The following JMJD1C variants were observed in gnomAD, a reference collection of about 807,000 sequenced individuals.
The protein encoded by JMJD1C is jumonji domain-containing protein 1C.
A neutral mutation model predicts 245.3 loss-of-function variants in JMJD1C; 31 were observed. The ratio of observed to expected loss-of-function variants is 0.13; its 90% CI spans 0.09 to 0.17. JMJD1C has a LOEUF of 0.17. JMJD1C is among the 10% of genes least tolerant of loss of function. The pLI is 1.00. For synonymous variants in JMJD1C, 1,057 were observed against 1,017.4 expected (o/e 1.04, Z -0.74); for missense variants, 2,691 against 3,000.2 (o/e 0.90, Z 2.41).
chr10:63,233,861 T>C (rs1157886759), intron 3 of JMJD1C, among the ~76,000 whole-genome samples: 2 of 152,012 alleles, frequency 1.3e-5, no homozygotes, highest in African/African-American at 4.8e-5. Context: ...GCTATGCTTT[T>C]ATGTATTTTT....
chr10:63,295,815 C>G (rs1859306542), intron 2 of JMJD1C, among the ~76,000 whole-genome samples: 1 of 151,552 alleles, frequency 6.6e-6, no homozygotes, highest in Non-Finnish European at 1.5e-5. Flanking sequence ...AGCCCCTTGT[C>G]ACATTTTTGT....
chr10:63,368,687 CT>C (rs1175046848), intron 2 of JMJD1C, among the ~76,000 whole-genome samples: 1 of 152,100 alleles, frequency 6.6e-6, no homozygotes, highest in Non-Finnish European at 1.5e-5. Context: ...GTAAATAAAT[CT>C]TTTTTTGTTT....
In JMJD1C at chr10:63,410,109, C is replaced by T. The variant is rs536138591; in HGVS notation, c.169-29627G>A. ...CTTCCTAAATGCCAGGAAGCACTGTCGAATATCTATCACAGAAAACTAACG... is the reference window on the plus strand; with the variant it reads ...CTTCCTAAATGCCAGGAAGCACTGTTGAATATCTATCACAGAAAACTAACG... On this transcript the variant is annotated intron_variant, in intron 1 of 25. Coordinates refer to ENST00000399262, the MANE Select transcript of JMJD1C (RefSeq NM_032776.3). 3.9e-5 allele frequency among the ~76,000 whole-genome samples: 6 copies of T among 152,224 alleles called. No individual in the cohort carries two copies. The South Asian group carries it at 6.2e-4, about 16-fold the overall frequency.
At chr10:63,427,967 C>A in intron 1 of JMJD1C, 1 of 700,020 alleles carries the variant, frequency 1.4e-6, no homozygotes, top group Non-Finnish European at 2.7e-6. Flanking sequence ...CTCATTGCCA[C>A]CACAGCATCC....
intron 2 of JMJD1C, among the ~76,000 whole-genome samples, chr10:63,350,657 C>G (rs1944276283): frequency 6.6e-6 from 1 of 151,180 alleles, no homozygotes; most frequent in Non-Finnish European, 1.5e-5. Flanking sequence ...CACTCTGTCA[C>G]CCAGGCTGGA....
Position 63,189,258 on chromosome 10 carries a change from A to C in JMJD1C, c.6480T>G (p.Ser2160=). Residue 2160 remains serine (S), a synonymous_variant, in exon 18 of 26, where the codon TCT becomes TCG. Coordinates refer to ENST00000399262, the MANE Select transcript of JMJD1C (RefSeq NM_032776.3). ...NNKLYSDIPH[S]WICEKHILWL... ...ATAAAATATGCTTCTCACAGATCCA[A>C]GAATGTGGTATATCACTGTATAATT... The C allele has an allele frequency of 6.2e-7, 1 of 1,613,266 alleles. No individual in the cohort carries two copies. The highest frequency in any genetic ancestry group is 8.5e-7 in the Non-Finnish European group (1 of 1,179,340).
intron 2 of JMJD1C, among the ~76,000 whole-genome samples, chr10:63,281,959 C>T (rs1253854334): frequency 6.6e-6 from 1 of 152,192 alleles, no homozygotes; most frequent in Non-Finnish European, 1.5e-5. Flanking sequence ...AGCACACCAT[C>T]CTCAAGGAGT....
chr10:63,349,657 T>C (rs1015628943), intron 2 of JMJD1C, among the ~76,000 whole-genome samples: 7 of 152,150 alleles, frequency 4.6e-5, no homozygotes, highest in African/African-American at 1.2e-4. Flanking sequence ...GGGAACTATA[T>C]GAGTTACCCT....
chr10:63,414,938 GAA>G (rs11438680), intron 1 of JMJD1C, among the ~76,000 whole-genome samples: 1 of 142,098 alleles, frequency 7.0e-6, no homozygotes. Context: ...CAACACTAGA[GAA>G]AAAAAAAAAA....
intron 2 of JMJD1C, among the ~76,000 whole-genome samples, chr10:63,352,586 C>T (rs756708699): frequency 1.3e-4 from 18 of 135,288 alleles, no homozygotes; most frequent in Non-Finnish European, 2.6e-4. Context: ...TGCAGTGGGC[C>T]AAGATAGAGC....
intron 2 of JMJD1C, among the ~76,000 whole-genome samples, chr10:63,312,484 T>C (rs1038376879): frequency 5.9e-5 from 9 of 152,172 alleles, no homozygotes; most frequent in Admixed American, 4.6e-4. Flanking sequence ...ATCCAAGAAA[T>C]ATGGAGTTAA....
chr10:63,231,770 G>A (rs1850038549), intron 3 of JMJD1C, among the ~76,000 whole-genome samples: 3 of 152,136 alleles, frequency 2.0e-5, no homozygotes, highest in Admixed American at 6.5e-5. Context: ...TTCCAGCCTA[G>A]GCGACAGAGC....
At chr10:63,224,835 G>C (rs1400974714) in intron 3 of JMJD1C, among the ~76,000 whole-genome samples, 1 of 151,694 alleles carries the variant, frequency 6.6e-6, no homozygotes, top group Non-Finnish European at 1.5e-5. Context: ...AGGCCGAGGT[G>C]GGTGGATCAC....
Position 63,207,392 on chromosome 10 carries a change from G to A in JMJD1C, c.4277C>T (p.Ala1426Val). Reference sequence around the variant, plus strand: ...AGATACACATTCTGATGATGTAGAGGCCAAAATGGTATTTGATAAAGAGGA... The same window carrying A: ...AGATACACATTCTGATGATGTAGAGACCAAAATGGTATTTGATAAAGAGGA... ...VISSLSNTIL[A>V]STSSECVSSK... The change falls in exon 10 of 26, where the codon GCC becomes GTC. Residue 1426 changes from alanine (A) to valine (V), a missense_variant. Transcript: ENST00000399262. The A allele has an allele frequency of 6.2e-7, 1 of 1,614,008 alleles. No individual in the cohort carries two copies. Among genetic ancestry groups the A allele is most frequent in the Non-Finnish European group, 8.5e-7 (1 of 1,180,024 alleles).
At chr10:63,444,727 G>A (rs761491177) in intron 1 of JMJD1C, among the ~76,000 whole-genome samples, 2 of 150,530 alleles carry the variant, frequency 1.3e-5, no homozygotes, top group Non-Finnish European at 2.9e-5. Flanking sequence ...CTGAGTTCAA[G>A]TGATTCTCCT....
intron 2 of JMJD1C, among the ~76,000 whole-genome samples, chr10:63,291,224 C>T (rs1858646870): frequency 6.9e-6 from 1 of 144,512 alleles, no homozygotes; most frequent in South Asian, 2.2e-4. Flanking sequence ...AGGAGAATCG[C>T]TTGAACCCGG....
In JMJD1C at chr10:63,217,237, G is replaced by A. The variant is rs958881296; in HGVS notation, c.648C>T (p.Phe216=). The A allele has an allele frequency of 5.0e-6, 8 of 1,611,970 alleles. No homozygotes were observed. Among genetic ancestry groups the A allele is most frequent in the East Asian group, 4.5e-5 (2 of 44,768 alleles). ...CATTCATAACGATCATGGTGCGGGT[G>A]AAGAGATCATGATGAGTAATTATGC... ...FTGIITHHDL[F]TRTMIVMNDQ... The change falls in exon 5 of 26, where the codon TTC becomes TTT. Residue 216 remains phenylalanine (F), a synonymous_variant. Coordinates refer to ENST00000399262, the MANE Select transcript of JMJD1C (RefSeq NM_032776.3).
At chr10:63,362,396 C>A (rs1945459198) in intron 2 of JMJD1C, among the ~76,000 whole-genome samples, 1 of 152,012 alleles carries the variant, frequency 6.6e-6, no homozygotes, top group Non-Finnish European at 1.5e-5. Flanking sequence ...GTGCACAATT[C>A]TTGCCATCAG....
chr10:63,170,202 T>C (rs1564543086), intron 24 of JMJD1C, among the ~76,000 whole-genome samples: 2 of 152,196 alleles, frequency 1.3e-5, no homozygotes, highest in African/African-American at 4.8e-5. Context: ...TGCTGGCTCT[T>C]TGAGCATATT....
Sources: allele counts gnomAD v4.1 joint callset (sites outside exome capture counted in the v4.1 genomes callset), GRCh38; gene constraint gnomAD v4.1.1; transcripts MANE v1.5; gene names NCBI Gene and HGNC (gene_info 2026-07-23, HGNC 2026-07-21).